The following MAP6D1 variants were observed in gnomAD, a reference collection of about 807,000 sequenced individuals.
MAP6D1 encodes MAP6 domain containing 1.
MAP6D1 carries 13 observed loss-of-function variants against 17.4 expected under a neutral mutation model. The observed-to-expected ratio is 0.75, with a 90% CI of 0.49 to 1.19. The LOEUF (loss-of-function observed/expected upper bound fraction) is 1.19, where lower values mean the gene tolerates loss of function less well. MAP6D1 is among the 50% of genes most tolerant of loss of function. MAP6D1 has a pLI of 0.00. For missense variants in MAP6D1, 313 were observed against 312.6 expected (o/e 1.00, Z -0.01); for synonymous variants, 141 against 145.7 (o/e 0.97, Z 0.23).
rs559644417 is a variant in MAP6D1, at chr3:183,821,027, G to A, written c.402-2916C>T. 3.3e-4 allele frequency among the ~76,000 whole-genome samples: 50 copies of A among 151,940 alleles called. No homozygotes were observed. The South Asian group carries it at 3.3e-3, about 10-fold the overall frequency. On this transcript the variant is annotated intron_variant, in intron 1 of 2. Transcript: ENST00000318631. Reference sequence around the variant, plus strand: ...GGAGAATCGCTTGAACCCGGGAGGCGGAGGTTGCAGTGAGCCGAGATGGCG... The same window carrying A: ...GGAGAATCGCTTGAACCCGGGAGGCAGAGGTTGCAGTGAGCCGAGATGGCG...
In MAP6D1 at chr3:183,817,148, A is replaced by G; in HGVS notation, c.*208T>C. On this transcript the variant is annotated 3_prime_UTR_variant, in exon 3 of 3. Coordinates refer to ENST00000318631, the MANE Select transcript of MAP6D1 (RefSeq NM_024871.4). ...GCAGGAGCCTTCCACAGGCTTCTCA[A>G]GAGGATGCTTGAGGCTGAGCTGGGT... 1.8e-6 allele frequency: 1 copy of G among 562,654 alleles called. No homozygotes were observed. The highest frequency in any genetic ancestry group is 3.2e-6 in the Non-Finnish European group (1 of 313,390). The allele number at this position is 562,654 out of a possible 1,614,324, so 34.9% of individuals were successfully genotyped here. A position where few individuals can be genotyped will look rare whatever the true frequency, so the allele number is the denominator to read the frequency against.
intron 1 of MAP6D1, among the ~76,000 whole-genome samples, chr3:183,819,982 G>T (rs1313266263): frequency 6.6e-6 from 1 of 152,224 alleles, no homozygotes; most frequent in Non-Finnish European, 1.5e-5. Context: ...CTGGGCCAAA[G>T]ATGCCCAATG....
At chr3:183,824,017 G>C (rs1304629868) in intron 1 of MAP6D1, among the ~76,000 whole-genome samples, 1 of 152,188 alleles carries the variant, frequency 6.6e-6, no homozygotes, top group Admixed American at 6.5e-5. Context: ...CCTACGTGCT[G>C]CTGGGCACCT....
intron 1 of MAP6D1, among the ~76,000 whole-genome samples, chr3:183,822,224 T>C (rs1328677017): frequency 4.2e-5 from 6 of 143,962 alleles, no homozygotes; most frequent in Middle Eastern, 3.2e-3. Context: ...CTGGGCAACA[T>C]AAACCCCATC....
At chr3:183,818,141 C>T (rs1272851913) in intron 1 of MAP6D1, 30 bp from the exon 2 acceptor site, 1 of 1,593,838 alleles carries the variant, frequency 6.3e-7, no homozygotes, top group Non-Finnish European at 8.6e-7. Context: ...CACAAGCTTG[C>T]ACAGGGTCAG....
chr3:183,821,283 T>C (rs1194699319), intron 1 of MAP6D1, among the ~76,000 whole-genome samples: 3 of 152,102 alleles, frequency 2.0e-5, no homozygotes, highest in South Asian at 4.1e-4. Context: ...GGGCTACAAA[T>C]TTGATCTCTG....
intron 1 of MAP6D1, among the ~76,000 whole-genome samples, chr3:183,821,017 C>G (rs1201656181): frequency 6.6e-6 from 1 of 151,904 alleles, no homozygotes; most frequent in Non-Finnish European, 1.5e-5. Context: ...ATCGCTTGAA[C>G]CCGGGAGGCG....
chr3:183,820,840 G>C (rs1322045782), intron 1 of MAP6D1, among the ~76,000 whole-genome samples: 1 of 152,106 alleles, frequency 6.6e-6, no homozygotes, highest in East Asian at 1.9e-4. Flanking sequence ...CCGGGAGGCG[G>C]AGGTTGCAGT....
At chr3:183,824,879 C>G (rs1460768770) in intron 1 of MAP6D1, among the ~76,000 whole-genome samples, 1 of 152,238 alleles carries the variant, frequency 6.6e-6, no homozygotes, top group Non-Finnish European at 1.5e-5. Context: ...ACGGCTGCCC[C>G]CAGGAGGGCG....
intron 1 of MAP6D1, among the ~76,000 whole-genome samples, chr3:183,821,620 A>T (rs1405272137): frequency 7.4e-6 from 1 of 135,810 alleles, no homozygotes; most frequent in Non-Finnish European, 1.5e-5. Context: ...ATCTCGGCTC[A>T]CTGCGTCCTC....
At chr3:183,824,995 T>C in intron 1 of MAP6D1, 152 bp downstream of exon 1, 1 of 787,980 alleles carries the variant, frequency 1.3e-6, no homozygotes, top group Non-Finnish European at 1.7e-6. Flanking sequence ...CAAACGGGGG[T>C]GACCTCTGAG....
intron 2 of MAP6D1, 33 bp downstream of exon 2, chr3:183,817,961 C>T: frequency 6.4e-7 from 1 of 1,550,450 alleles, no homozygotes; most frequent in South Asian, 1.1e-5. Context: ...GGCCTCTATA[C>T]CCACACCCCT....
At chr3:183,821,452 G>A (rs183130654) in intron 1 of MAP6D1, among the ~76,000 whole-genome samples, 42 of 152,240 alleles carry the variant, frequency 2.8e-4, no homozygotes, top group Admixed American at 2.5e-3. Flanking sequence ...AAGCAGAGAA[G>A]GCGACAGCTA....
In MAP6D1 at chr3:183,817,434, G is replaced by A. The variant is rs1727141727; in HGVS notation, c.522C>T (p.Val174=). The A allele has an allele frequency of 3.2e-6, 5 of 1,561,540 alleles. No individual in the cohort carries two copies. ...GAGTGAACTTCTTCCTCACCTCTGG[G>A]ACCTGAAAAATGAAGTGTGGCCACA... ...WDSSPGAGFQ[V]PEVRKKFTPN... Residue 174 remains valine, a splice_region_variant and synonymous_variant, in exon 3 of 3, where the codon GTC becomes GTT. Coordinates refer to ENST00000318631, the MANE Select transcript of MAP6D1 (RefSeq NM_024871.4).
chr3:183,818,688 T>C (rs1727178090), intron 1 of MAP6D1, among the ~76,000 whole-genome samples: 2 of 152,182 alleles, frequency 1.3e-5, no homozygotes, highest in South Asian at 4.1e-4. Flanking sequence ...GCTCAGAACT[T>C]TTAGTTTTTT....
Position 183,817,258 on chromosome 3 carries a change from G to A in MAP6D1, c.*98C>T. ...GAGAGGGGCTGTGCCCTCCCGCAGGGGCCCATGCCATGCTCTCGCCCAGCC... is the reference window on the plus strand; with the variant it reads ...GAGAGGGGCTGTGCCCTCCCGCAGGAGCCCATGCCATGCTCTCGCCCAGCC... On this transcript the variant is annotated 3_prime_UTR_variant, in exon 3 of 3. Coordinates refer to ENST00000318631, the MANE Select transcript of MAP6D1 (RefSeq NM_024871.4). The A allele has an allele frequency of 8.1e-7, 1 of 1,238,414 alleles. No individual in the cohort carries two copies. Among genetic ancestry groups the A allele is most frequent in the Non-Finnish European group, 1.2e-6 (1 of 866,906 alleles). 76.7% of individuals were successfully genotyped at this position (1,238,414 alleles called of 1,614,324 possible). A position where few individuals can be genotyped will look rare whatever the true frequency, so the allele number is the denominator to read the frequency against.
Position 183,817,977 on chromosome 3 carries a change from A to G in MAP6D1, c.519+17T>C, listed in dbSNP as rs750676267. On this transcript the variant is annotated intron_variant, in intron 2 of 2. Coordinates refer to ENST00000318631, the MANE Select transcript of MAP6D1 (RefSeq NM_024871.4). ...GCCTCTATACCCACACCCCTGCTAC[A>G]CCAGCTTCCGGCTGACCTGGAAGCC... is the stretch of plus-strand genomic sequence containing the variant. 3.1e-6 allele frequency: 5 copies of G among 1,600,850 alleles called. No homozygotes were observed. Among genetic ancestry groups the G allele is most frequent in the Non-Finnish European group, 2.6e-6 (3 of 1,168,092 alleles).
intron 1 of MAP6D1, among the ~76,000 whole-genome samples, chr3:183,821,372 G>T (rs2108563040): frequency 6.6e-6 from 1 of 152,274 alleles, no homozygotes; most frequent in South Asian, 2.1e-4. Flanking sequence ...TCTGTAGAAT[G>T]GGGACGGCAA....
At chr3:183,821,266 C>A (rs1288748734) in intron 1 of MAP6D1, among the ~76,000 whole-genome samples, 1 of 152,150 alleles carries the variant, frequency 6.6e-6, no homozygotes, top group Non-Finnish European at 1.5e-5. Flanking sequence ...GGGATGAAAA[C>A]CCATGGGGGC....
Sources: gnomAD v4.1 joint callset for allele counts (sites outside exome capture counted in the v4.1 genomes callset) on GRCh38, gnomAD v4.1.1 for gene constraint, MANE v1.5 for transcripts, NCBI Gene and HGNC (gene_info 2026-07-23, HGNC 2026-07-21) for gene names.